Variants in PCDHGC3 observed in about 807,000 individuals in gnomAD.
PCDHGC3 encodes protocadherin gamma subfamily C, 3, also known as protocadherin gamma-C3.
PCDHGC3 carries 26 observed loss-of-function variants against 59.2 expected under a neutral mutation model. The ratio of observed to expected loss-of-function variants is 0.44; its 90% CI spans 0.32 to 0.61. The LOEUF is 0.61. Among genes scored for constraint, PCDHGC3 ranks in the 20% least tolerant of loss-of-function variants. The probability of loss-of-function intolerance (pLI) is 0.05; values close to 1 mark genes in which losing one functional copy is unlikely to be tolerated. For synonymous variants in PCDHGC3, 487 were observed against 519.7 expected (o/e 0.94, Z 0.86); for missense variants, 1,080 against 1,221.8 (o/e 0.88, Z 1.73).
intron 1 of PCDHGC3, among the ~76,000 whole-genome samples, chr5:141,488,007 G>A (rs1269050547): frequency 6.6e-6 from 1 of 152,178 alleles, no homozygotes; most frequent in African/African-American, 2.4e-5. Flanking sequence ...ATCAGATTCT[G>A]AAGTACCTTA....
At chr5:141,507,862 G>A (rs17286954) in intron 3 of PCDHGC3, among the ~76,000 whole-genome samples, 4 of 152,076 alleles carry the variant, frequency 2.6e-5, no homozygotes, top group African/African-American at 7.2e-5. Flanking sequence ...TTTCACACCC[G>A]CTTCCTAGCC....
rs1163353349 is a variant in PCDHGC3, at chr5:141,489,426, G to C, written c.2431-5381G>C. 6.2e-7 allele frequency: 1 copy of C among 1,614,012 alleles called. No homozygotes were observed. The highest frequency in any genetic ancestry group is 1.3e-5 in the African/African-American group (1 of 74,922). ...TAAAGATGACAGATCTGTTGAGCCGGCGGCTGCAATTGGGCTCTGAGGAGA... is the reference window on the plus strand; with the variant it reads ...TAAAGATGACAGATCTGTTGAGCCGCCGGCTGCAATTGGGCTCTGAGGAGA... On this transcript the variant is annotated intron_variant, in intron 1 of 3. Transcript: ENST00000308177. The surrounding 1 kb of genome is among the most constrained non-coding windows in gnomAD (Gnocchi z 4.5).
chr5:141,490,891 C>A lies in PCDHGC3; in HGVS notation c.2431-3916C>A, dbSNP rs1462296497. The A allele has an allele frequency of 6.2e-7, 1 of 1,613,204 alleles. No homozygotes were observed. Among genetic ancestry groups the A allele is most frequent in the Non-Finnish European group, 8.5e-7 (1 of 1,179,262 alleles). On this transcript the variant is annotated intron_variant, in intron 1 of 3. Transcript: ENST00000308177. This position sits in a 1 kb window ranked among gnomAD's most constrained non-coding sequence, Gnocchi z 5.4. ...CCCATTGCATGCCAACACATCTCTGCATGTGTTTGTCCTAGACGAGAATGA... is the reference window on the plus strand; with the variant it reads ...CCCATTGCATGCCAACACATCTCTGAATGTGTTTGTCCTAGACGAGAATGA...
rs769909773 is a variant in PCDHGC3 at position 141,476,732 on chromosome 5, C to T, written c.616C>T (p.Arg206Trp). The T allele has an allele frequency of 8.7e-6, 14 of 1,614,096 alleles. No homozygotes were observed. Among genetic ancestry groups the T allele is most frequent in the Non-Finnish European group, 1.1e-5 (13 of 1,180,030 alleles). ...GTTGGAGCGCGCCCTGGACCGAGAA[C>T]GGGAGCCTAGTCTCCAGTTAGTGCT... is the stretch of plus-strand genomic sequence containing the variant. ...LVLERALDRE[R>W]EPSLQLVLTA... Residue 206 changes from arginine (R) to tryptophan (W), a missense_variant, in exon 1 of 4, where the codon CGG becomes TGG. Physicochemically the swap from Arg to Trp is moderately radical, Grantham distance 101. Coordinates refer to ENST00000308177, the MANE Select transcript of PCDHGC3 (RefSeq NM_002588.4). The surrounding 1 kb of genome is among the most constrained non-coding windows in gnomAD (Gnocchi z 7.6).
rs141514361 is a variant in PCDHGC3, at chr5:141,494,629, A to G, written c.2431-178A>G. 4,666 of 858,664 alleles carry G rather than the reference A, an allele frequency of 5.4e-3. 23 individuals are homozygous for G. Among genetic ancestry groups the G allele is most frequent in the Admixed American group, 0.011 (170 of 16,094 alleles). 53.2% of individuals were successfully genotyped at this position (858,664 alleles called of 1,614,324 possible). On this transcript the variant is annotated intron_variant, in intron 1 of 3. Coordinates refer to ENST00000308177, the MANE Select transcript of PCDHGC3 (RefSeq NM_002588.4). ...TATCTCTTGGTTTCTGGTACCTCAGACCTCTGAGACCTGAGGTGTATTTTG... is the reference window on the plus strand; with the variant it reads ...TATCTCTTGGTTTCTGGTACCTCAGGCCTCTGAGACCTGAGGTGTATTTTG...
chr5:141,496,146 G>T (rs749790409), intron 2 of PCDHGC3, among the ~76,000 whole-genome samples: 1 of 151,170 alleles, frequency 6.6e-6, no homozygotes, highest in South Asian at 2.1e-4. Flanking sequence ...GCCTTTGATC[G>T]CAGCTCTCCA....
At chr5:141,508,927 A>C (rs1562237319) in intron 3 of PCDHGC3, among the ~76,000 whole-genome samples, 1 of 151,542 alleles carries the variant, frequency 6.6e-6, no homozygotes. Context: ...TTCCTTTTGG[A>C]GTTAATTAGG....
intron 2 of PCDHGC3, among the ~76,000 whole-genome samples, chr5:141,499,937 C>T (rs1257575594): frequency 6.6e-6 from 1 of 152,082 alleles, no homozygotes; most frequent in Non-Finnish European, 1.5e-5. Context: ...ATCCACCCTC[C>T]TCGGCCTCCC....
chr5:141,491,901 G>C lies in PCDHGC3; in HGVS notation c.2431-2906G>C, dbSNP rs1196717010. 1 of 1,429,696 alleles carries C rather than the reference G, an allele frequency of 7.0e-7. No homozygotes were observed. The highest frequency in any genetic ancestry group is 9.3e-7 in the Non-Finnish European group (1 of 1,080,148). 88.6% of individuals were successfully genotyped at this position (1,429,696 alleles called of 1,614,324 possible). ...AAGGGATGGGGCTCCGAGCACCGGG[G>C]GTGGTGGCGACTGTGGGCGAGGGGA... On this transcript the variant is annotated intron_variant, in intron 1 of 3. Transcript: ENST00000308177. The surrounding 1 kb of genome is among the most constrained non-coding windows in gnomAD (Gnocchi z 6.9).
rs548074156 is a variant in PCDHGC3 at position 141,511,069 on chromosome 5, G to A, written c.2701G>A (p.Gly901Ser). The A allele has an allele frequency of 6.2e-7, 1 of 1,614,230 alleles. No individual in the cohort carries two copies. Among genetic ancestry groups the A allele is most frequent in the Non-Finnish European group, 8.5e-7 (1 of 1,180,034 alleles). ...CTACCGCCAGAATGTCTACATCCCA[G>A]GCAGCAATGCCACACTGACCAACGC... ...PDYRQNVYIP[G>S]SNATLTNAAG... The change falls in exon 4 of 4, where the codon GGC becomes AGC. Residue 901 changes from glycine (G) to serine (S), a missense_variant. Physicochemically the swap from Gly to Ser is moderately conservative, Grantham distance 56 (BLOSUM62 0). Transcript: ENST00000308177.
rs748950800 is a variant in PCDHGC3, at chr5:141,476,983, C to T, written c.867C>T (p.Ala289=). ...IIYSFGSHNR[A]GVRQLFALDL... is the part of the protein sequence containing the mutation. ...ACTCCTTCGGCAGCCACAACCGCGC[C>T]GGCGTGCGGCAACTATTCGCCTTAG... The change falls in exon 1 of 4, where the codon GCC becomes GCT. Residue 289 remains alanine (A), a synonymous_variant. Transcript: ENST00000308177. The surrounding 1 kb of genome is among the most constrained non-coding windows in gnomAD (Gnocchi z 7.6). 12 of 1,614,096 alleles carry T rather than the reference C, an allele frequency of 7.4e-6. No individual in the cohort carries two copies. The highest frequency in any genetic ancestry group is 8.5e-7 in the Non-Finnish European group (1 of 1,180,046).
rs1410729947 is a variant in PCDHGC3 at position 141,493,256 on chromosome 5, T to TA, written c.2431-1550dup. 3.3e-5 allele frequency among the ~76,000 whole-genome samples: 5 copies of TA among 152,306 alleles called. No homozygotes were observed. The highest frequency in any genetic ancestry group is 1.2e-4 in the African/African-American group (5 of 41,570). ...TGGCTAGGTACTAACATGCCTCTCT[T>TA]ATAACAGCTTCACAGAGGTCAAGTG... On this transcript the variant is annotated intron_variant, in intron 1 of 3. Transcript: ENST00000308177. This position sits in a 1 kb window ranked among gnomAD's most constrained non-coding sequence, Gnocchi z 4.3.
chr5:141,476,206 C>A lies in PCDHGC3; in HGVS notation c.90C>A (p.Ser30=). The change falls in exon 1 of 4, where the codon TCC becomes TCA. Residue 30 remains serine, a synonymous_variant. Transcript: ENST00000308177. This position sits in a 1 kb window ranked among gnomAD's most constrained non-coding sequence, Gnocchi z 7.6. ...TGCTTGGTGCCTTGAACAAGGCTTC[C>A]ACGGTCATTCACTATGAGATCCCGG... ...LLLLGALNKA[S]TVIHYEIPEE... 1 of 1,613,930 alleles carries A rather than the reference C, an allele frequency of 6.2e-7. No individual in the cohort carries two copies. The highest frequency in any genetic ancestry group is 1.7e-5 in the Admixed American group (1 of 60,004).
In PCDHGC3 at chr5:141,491,681, C is replaced by A; in HGVS notation, c.2431-3126C>A. The A allele has an allele frequency of 6.2e-7, 1 of 1,613,458 alleles. No individual in the cohort carries two copies. Among genetic ancestry groups the A allele is most frequent in the Non-Finnish European group, 8.5e-7 (1 of 1,179,804 alleles). ...GACGCCATCCGGTCCCGCTCTAATA[C>A]GCTGCGGGAGCGGAGCCAGGTGAGG... On this transcript the variant is annotated intron_variant, in intron 1 of 3. Coordinates refer to ENST00000308177, the MANE Select transcript of PCDHGC3 (RefSeq NM_002588.4). This position sits in a 1 kb window ranked among gnomAD's most constrained non-coding sequence, Gnocchi z 6.9.
Position 141,476,441 on chromosome 5 carries a change from GAGTTGGT to G in PCDHGC3, c.329_335del (p.Leu110TrpfsTer13). 3 of 1,614,160 alleles carry G rather than the reference GAGTTGGT, an allele frequency of 1.9e-6. No homozygotes were observed. The South Asian group carries it at 3.3e-5, about 18-fold the overall frequency. ...ACTGCCCTCTTGCACTGTAACTCTG[GAGTTGGT>G]AGTGGAGAACCCGCTGGAGCTGTTC... On this transcript the variant is annotated frameshift_variant, in exon 1 of 4. Transcript: ENST00000308177. LOFTEE classifies it high-confidence loss of function. The surrounding 1 kb of genome is among the most constrained non-coding windows in gnomAD (Gnocchi z 7.6).
rs375127524 is a variant in PCDHGC3 at position 141,490,702 on chromosome 5, C to T, written c.2431-4105C>T. ...AGATCCAGACACTGGGGATAATGCC[C>T]GCCTCACCTACTCCATTGTAGGAAA... On this transcript the variant is annotated intron_variant, in intron 1 of 3. Coordinates refer to ENST00000308177, the MANE Select transcript of PCDHGC3 (RefSeq NM_002588.4). The surrounding 1 kb of genome is among the most constrained non-coding windows in gnomAD (Gnocchi z 5.4). 36 of 1,614,060 alleles carry T rather than the reference C, an allele frequency of 2.2e-5. No homozygotes were observed. Among genetic ancestry groups the T allele is most frequent in the South Asian group, 7.7e-5 (7 of 91,090 alleles).
intron 1 of PCDHGC3, among the ~76,000 whole-genome samples, chr5:141,482,804 G>T (rs1431490730): frequency 6.6e-6 from 1 of 152,194 alleles, no homozygotes; most frequent in East Asian, 1.9e-4. Flanking sequence ...GGGTACGGTG[G>T]CTCATGCCTG....
At position 141,485,331 on chromosome 5, in the gene PCDHGC3, T is replaced by G; in HGVS notation, c.2430+6785T>G. 6.2e-7 allele frequency: 1 copy of G among 1,614,166 alleles called. No individual in the cohort carries two copies. Among genetic ancestry groups the G allele is most frequent in the Admixed American group, 1.7e-5 (1 of 60,022 alleles). Reference sequence around the variant, plus strand: ...GTAGGGAATGTCGCTCAAGATTTCCTGCTGGATACGGACAGTCTGTCAGCT... The same window carrying G: ...GTAGGGAATGTCGCTCAAGATTTCCGGCTGGATACGGACAGTCTGTCAGCT... On this transcript the variant is annotated intron_variant, in intron 1 of 3. Coordinates refer to ENST00000308177, the MANE Select transcript of PCDHGC3 (RefSeq NM_002588.4). The surrounding 1 kb of genome is among the most constrained non-coding windows in gnomAD (Gnocchi z 5.7).
intron 1 of PCDHGC3, 49 bp downstream of exon 1, chr5:141,478,595 T>A: frequency 6.4e-7 from 1 of 1,567,880 alleles, no homozygotes; most frequent in Non-Finnish European, 8.7e-7. Flanking sequence ...TTTTTATTCC[T>A]ACATCATATT....
Sources: allele counts gnomAD v4.1 joint callset (sites outside exome capture counted in the v4.1 genomes callset), GRCh38; gene constraint gnomAD v4.1.1; non-coding constraint Gnocchi (gnomAD v3.1); transcripts MANE v1.5; gene names NCBI Gene and HGNC (gene_info 2026-07-23, HGNC 2026-07-21).